Variants in KMT2E observed in about 807,000 individuals in gnomAD.
The protein encoded by KMT2E is lysine methyltransferase 2E (inactive).
Under a neutral mutation model 184.6 loss-of-function variants are expected in KMT2E, and 30 were observed. The observed-to-expected ratio is 0.16, with a 90% CI of 0.12 to 0.22. KMT2E has a LOEUF of 0.22. Among genes scored for constraint, KMT2E ranks in the 10% least tolerant of loss-of-function variants. The pLI, the probability that KMT2E is intolerant of heterozygous loss-of-function variation, is 1.00. For missense variants in KMT2E, 2,023 were observed against 2,237.4 expected (o/e 0.90, Z 1.93); for synonymous variants, 815 against 776.5 (o/e 1.05, Z -0.82).
At chr7:105,033,075 C>T (rs1795492904) in intron 1 of KMT2E, among the ~76,000 whole-genome samples, 1 of 152,176 alleles carries the variant, frequency 6.6e-6, no homozygotes, top group South Asian at 2.1e-4. Flanking sequence ...AGTACAAATG[C>T]CTACTCTACC....
chr7:105,070,935 TAAAGG>T (rs1263848543), intron 6 of KMT2E, among the ~76,000 whole-genome samples: 1 of 152,208 alleles, frequency 6.6e-6, no homozygotes. Flanking sequence ...GTCAAATATA[TAAAGG>T]AAAGTATTCT....
At chr7:105,070,755 G>T (rs1410868113) in intron 6 of KMT2E, among the ~76,000 whole-genome samples, 1 of 151,732 alleles carries the variant, frequency 6.6e-6, no homozygotes, top group Non-Finnish European at 1.5e-5. Flanking sequence ...TGAGGCTGCA[G>T]TGAGTTATGA....
At chr7:105,073,860 T>G (rs929885983) in intron 7 of KMT2E, among the ~76,000 whole-genome samples, 183 bp downstream of exon 7, 1 of 152,182 alleles carries the variant, frequency 6.6e-6, no homozygotes, top group Non-Finnish European at 1.5e-5. Context: ...TTTCACGTAT[T>G]ATAGAATAAA....
chr7:105,086,764 A>G (rs553663934), intron 13 of KMT2E, among the ~76,000 whole-genome samples: 1 of 131,176 alleles, frequency 7.6e-6, no homozygotes, highest in East Asian at 2.9e-4. Flanking sequence ...AATTAAAAAT[A>G]TAAATATATA....
chr7:105,101,840 TA>T, intron 16 of KMT2E, 45 bp from the exon 17 acceptor site: 3 of 1,386,926 alleles, frequency 2.2e-6, no homozygotes, highest in Non-Finnish European at 2.9e-6. Context: ...TTAAACTTTA[TA>T]TATATGTAGT....
At chr7:105,097,775 T>G (rs983277959) in intron 15 of KMT2E, among the ~76,000 whole-genome samples, 1 of 152,234 alleles carries the variant, frequency 6.6e-6, no homozygotes, top group African/African-American at 2.4e-5. Flanking sequence ...TCCAAAATTG[T>G]TGAAATGCTT....
intron 6 of KMT2E, among the ~76,000 whole-genome samples, chr7:105,072,920 A>G (rs187053733): frequency 5.6e-4 from 85 of 152,322 alleles, no homozygotes; most frequent in African/African-American, 1.9e-3. Flanking sequence ...ATCTCAAAAA[A>G]AAAGCAGTAT....
At chr7:105,052,401 T>C (rs1376126506) in intron 3 of KMT2E, among the ~76,000 whole-genome samples, 1 of 152,222 alleles carries the variant, frequency 6.6e-6, no homozygotes, top group East Asian at 1.9e-4. Flanking sequence ...CTGCCGTGCT[T>C]TATATTTTTA....
rs1202518117 is a variant in KMT2E, at chr7:105,058,930, A to G, written c.72-3234A>G. Among the ~76,000 whole-genome samples, 2 of 152,180 alleles carry G rather than the reference A, an allele frequency of 1.3e-5. 1 individual carries two copies. The highest frequency in any genetic ancestry group is 2.9e-5 in the Non-Finnish European group (2 of 68,010). On this transcript the variant is annotated intron_variant, in intron 3 of 26. Coordinates refer to ENST00000311117, the MANE Select transcript of KMT2E (RefSeq NM_182931.3). ...CTTCCTGCTGACAGGCTAAAAGAAAAAAAGAACATACAAAGCAGTATATGA... is the reference window on the plus strand; with the variant it reads ...CTTCCTGCTGACAGGCTAAAAGAAAGAAAGAACATACAAAGCAGTATATGA...
rs1554396449 is a variant in KMT2E at position 105,087,284 on chromosome 7, G to GATAATAT, written c.1359-2722_1359-2721insATATATA. Among the ~76,000 whole-genome samples, 4 of 143,868 alleles carry GATAATAT rather than the reference G, an allele frequency of 2.8e-5. No individual in the cohort carries two copies. The East Asian group carries it at 8.0e-4, about 29-fold the overall frequency. 94.4% of individuals were successfully genotyped at this position (143,868 alleles called of 152,430 possible). A position where few individuals can be genotyped will look rare whatever the true frequency, so the allele number is the denominator to read the frequency against. On this transcript the variant is annotated intron_variant, in intron 13 of 26. Coordinates refer to ENST00000311117, the MANE Select transcript of KMT2E (RefSeq NM_182931.3). Reference sequence around the variant, plus strand: ...GAGCATATATATAATATATAAATATGATATAATATATATAATATATAAATA... The same window carrying GATAATAT: ...GAGCATATATATAATATATAAATATGATAATATATATAATATATATAATATATAAATA...
chr7:105,094,317 C>T (rs1181605823), intron 15 of KMT2E, among the ~76,000 whole-genome samples: 1 of 152,174 alleles, frequency 6.6e-6, no homozygotes, highest in Admixed American at 6.5e-5. Flanking sequence ...AAGATGGTAG[C>T]ATACTACTCT....
At chr7:105,067,491 C>T (rs891978952) in intron 6 of KMT2E, among the ~76,000 whole-genome samples, 1 of 152,144 alleles carries the variant, frequency 6.6e-6, no homozygotes, top group Non-Finnish European at 1.5e-5. Flanking sequence ...CACATTTCCA[C>T]CACCCTACCT....
intron 9 of KMT2E, 44 bp from the exon 10 acceptor site, chr7:105,076,919 T>TAA (rs1797552217): frequency 3.4e-6 from 3 of 874,660 alleles, no homozygotes; most frequent in Admixed American, 3.7e-5. Flanking sequence ...TGTGTGTGTG[T>TAA]AAGTCCGTAA....
intron 3 of KMT2E, among the ~76,000 whole-genome samples, chr7:105,053,884 A>T (rs1354293933): frequency 6.6e-6 from 1 of 151,834 alleles, no homozygotes; most frequent in Non-Finnish European, 1.5e-5. Flanking sequence ...CTTCAAAAAA[A>T]AGAAACAGGC....
At chr7:105,092,556 G>C (rs2129568995) in intron 15 of KMT2E, among the ~76,000 whole-genome samples, 1 of 152,306 alleles carries the variant, frequency 6.6e-6, no homozygotes, top group African/African-American at 2.4e-5. Context: ...ACACTGGTCT[G>C]TTGAGACAAG....
intron 6 of KMT2E, among the ~76,000 whole-genome samples, chr7:105,073,158 C>T (rs1316744307): frequency 1.3e-5 from 2 of 151,510 alleles, no homozygotes; most frequent in Non-Finnish European, 2.9e-5. Flanking sequence ...TCTGTGATCC[C>T]AGCTCTTTGG....
chr7:105,097,323 T>C (rs1457639302), intron 15 of KMT2E, among the ~76,000 whole-genome samples: 1 of 152,202 alleles, frequency 6.6e-6, no homozygotes, highest in Non-Finnish European at 1.5e-5. Flanking sequence ...AGACTGGGAA[T>C]TTTATTTCTA....
At chr7:105,085,375 C>A (rs1001522191) in intron 13 of KMT2E, among the ~76,000 whole-genome samples, 1 of 152,070 alleles carries the variant, frequency 6.6e-6, no homozygotes, top group Non-Finnish European at 1.5e-5. Context: ...ATGGCGAAAC[C>A]CCGTCTCTAC....
intron 6 of KMT2E, among the ~76,000 whole-genome samples, chr7:105,072,927 GTATT>G (rs1483683968): frequency 4.6e-5 from 7 of 151,732 alleles, no homozygotes; most frequent in Non-Finnish European, 1.0e-4. Flanking sequence ...AAAAAAAGCA[GTATT>G]TATTTCAAAA....
Sources: gnomAD v4.1 joint callset for allele counts (sites outside exome capture counted in the v4.1 genomes callset) on GRCh38, gnomAD v4.1.1 for gene constraint, MANE v1.5 for transcripts, NCBI Gene and HGNC (gene_info 2026-07-23, HGNC 2026-07-21) for gene names.